C2CD4B: variants seen among roughly 807,000 people sequenced by gnomAD.
C2CD4B encodes C2 calcium-dependent domain-containing protein 4B.
For synonymous variants in C2CD4B, 347 were observed against 284.9 expected, an observed-to-expected ratio of 1.22 and a Z score of -2.20; for missense variants, 644 against 577.7, an observed-to-expected ratio of 1.11 and a Z score of -1.18.
chr15:62,164,294 C>A lies in C2CD4B; in HGVS notation c.691G>T (p.Ala231Ser). 1 of 1,418,196 alleles carries A rather than the reference C, an allele frequency of 7.1e-7. No homozygotes were observed. Among genetic ancestry groups the A allele is most frequent in the Non-Finnish European group, 9.1e-7 (1 of 1,096,286 alleles). The allele number at this position is 1,418,196 out of a possible 1,614,324, so 87.9% of individuals were successfully genotyped here. Residue 231 changes from alanine to serine, a missense_variant, in exon 2 of 2, where the codon GCC (alanine) becomes TCC (serine). Physicochemically the swap from Ala to Ser is moderately conservative, Grantham distance 99 (BLOSUM62 1). Transcript: ENST00000380392. ...APSSSPLSSR[A>S]PLPERLEAKG... ...GCCTCCAGGCGCTCAGGAAGCGGGG[C>A]CCTGGATGACAGCGGGCTCGAGGAG...
chr15:62,164,570 G>T lies in C2CD4B; in HGVS notation c.415C>A (p.Pro139Thr). The T allele has an allele frequency of 1.7e-6, 2 of 1,186,192 alleles. No homozygotes were observed. Among genetic ancestry groups the T allele is most frequent in the Admixed American group, 4.6e-5 (1 of 21,670 alleles). The allele number at this position is 1,186,192 out of a possible 1,614,324, so 73.5% of individuals were successfully genotyped here. A position where few individuals can be genotyped will look rare whatever the true frequency, so the allele number is the denominator to read the frequency against. ...CGCGGGCCGCACAGGGTCCCCAGGG[G>T]GGCGTCCGGGCCTCCGCCGCCGCCG... ...SCGGGGGPDA[P>T]LGTLCGPRGP... Residue 139 changes from proline to threonine, a missense_variant, in exon 2 of 2, where the codon CCC becomes ACC. Transcript: ENST00000380392.
rs541119140 is a variant in C2CD4B, at chr15:62,165,039, A to C, written c.-40-15T>G. On this transcript the variant is annotated splice_polypyrimidine_tract_variant and intron_variant, in intron 1 of 1. Transcript: ENST00000380392. ...AAGAGGTGCGCCTGCGGGGGAGAGA[A>C]GCTGCTGAGTTTGGGCGCCTGGAGC... The C allele has an allele frequency of 4.9e-4, 715 of 1,456,728 alleles. No homozygotes were observed. The Middle Eastern group carries it at 6.5e-3, about 13-fold the overall frequency. The allele number at this position is 1,456,728 out of a possible 1,614,324, so 90.2% of individuals were successfully genotyped here.
chr15:62,164,931 C>A lies in C2CD4B; in HGVS notation c.54G>T (p.Lys18Asn). 1.3e-6 allele frequency: 2 copies of A among 1,536,294 alleles called. No homozygotes were observed. Among genetic ancestry groups the A allele is most frequent in the Non-Finnish European group, 8.7e-7 (1 of 1,144,330 alleles). The change falls in exon 2 of 2, where the codon AAG (lysine) becomes AAT (asparagine). Residue 18 changes from lysine (K) to asparagine (N), a missense_variant. Physicochemically the swap from Lys to Asn is moderately conservative, Grantham distance 94. Coordinates refer to ENST00000380392, the MANE Select transcript of C2CD4B (RefSeq NM_001007595.3). ...GCGTGAGCACTTTGGCGAAGGCGGGCTTCGGCGCGGAGCTGCCTGCGGCCG... is the reference window on the plus strand; with the variant it reads ...GCGTGAGCACTTTGGCGAAGGCGGGATTCGGCGCGGAGCTGCCTGCGGCCG... ...CSSAAGSSAP[K>N]PAFAKVLTPN...
chr15:62,163,998 C>T lies in C2CD4B; in HGVS notation c.987G>A (p.Val329=), dbSNP rs1487641272. 1.2e-6 allele frequency: 2 copies of T among 1,600,784 alleles called. No individual in the cohort carries two copies. The highest frequency in any genetic ancestry group is 8.5e-7 in the Non-Finnish European group (1 of 1,176,044). Residue 329 remains valine, a synonymous_variant, in exon 2 of 2, where the codon GTG becomes GTA. Coordinates refer to ENST00000380392, the MANE Select transcript of C2CD4B (RefSeq NM_001007595.3). ...FCFDGLSEDE[V]RRLAVRVKAR... ...CCTTGACGCGAACGGCCAGGCGGCG[C>T]ACCTCGTCTTCCGAGAGGCCGTCGA...
rs1201960259 is a variant in C2CD4B at position 62,163,603 on chromosome 15, A to G, written c.*287T>C. The G allele has an allele frequency of 1.1e-5, 4 of 372,654 alleles. No homozygotes were observed. The highest frequency in any genetic ancestry group is 1.4e-5 in the Non-Finnish European group (3 of 211,854). 23.1% of individuals were successfully genotyped at this position (372,654 alleles called of 1,614,324 possible). On this transcript the variant is annotated 3_prime_UTR_variant, in exon 2 of 2. Transcript: ENST00000380392. ...GATAGAAAACCGGAAGGAATTAAAA[A>G]CAATGCAGATGGGTGTACTTCCTTT...
rs2049590996 is a variant in C2CD4B at position 62,164,541 on chromosome 15, A to G, written c.444T>C (p.Gly148=). Residue 148 remains glycine, a synonymous_variant, in exon 2 of 2, where the codon GGT becomes GGC. Transcript: ENST00000380392. The stretch of plus-strand genomic sequence containing the variant: ...GGGCCGCGGGGGTGGCCGGGCCCGG[A>G]CCTCGCGGGCCGCACAGGGTCCCCA... ...APLGTLCGPR[G]PGPATPAAPG... 2.6e-6 allele frequency: 3 copies of G among 1,146,082 alleles called. No individual in the cohort carries two copies. The East Asian group carries it at 1.3e-4, about 51-fold the overall frequency. 71.0% of individuals were successfully genotyped at this position (1,146,082 alleles called of 1,614,324 possible).
chr15:62,164,555 A>T lies in C2CD4B; in HGVS notation c.430T>A (p.Cys144Ser). Residue 144 changes from cysteine to serine, a missense_variant, in exon 2 of 2, where the codon TGC (cysteine) becomes AGC (serine). Cys to Ser is a moderately radical substitution (Grantham distance 112). Coordinates refer to ENST00000380392, the MANE Select transcript of C2CD4B (RefSeq NM_001007595.3). ...GCCGGGCCCGGACCTCGCGGGCCGC[A>T]CAGGGTCCCCAGGGGGGCGTCCGGG... ...GGPDAPLGTL[C>S]GPRGPGPATP... The T allele has an allele frequency of 8.6e-7, 1 of 1,160,474 alleles. No individual in the cohort carries two copies. Among genetic ancestry groups the T allele is most frequent in the Non-Finnish European group, 1.1e-6 (1 of 944,116 alleles). 71.9% of individuals were successfully genotyped at this position (1,160,474 alleles called of 1,614,324 possible).
In C2CD4B at chr15:62,164,788, G is replaced by A. The variant is rs2049597137; in HGVS notation, c.197C>T (p.Pro66Leu). Residue 66 changes from proline (P) to leucine (L), a missense_variant, in exon 2 of 2, where the codon CCC becomes CTC. Physicochemically the swap from Pro to Leu is moderately conservative, Grantham distance 98. Coordinates refer to ENST00000380392, the MANE Select transcript of C2CD4B (RefSeq NM_001007595.3). Reference protein sequence around the residue: ...RRCAAESDLWPRAADEDAGRT... With the variant: ...RRCAAESDLWLRAADEDAGRT... ...GCCGGCGTCCTCGTCTGCCGCGCGG[G>A]GCCACAGGTCGCTTTCAGCGGCGCA... 3 of 1,476,692 alleles carry A rather than the reference G, an allele frequency of 2.0e-6. No homozygotes were observed. The highest frequency in any genetic ancestry group is 8.9e-7 in the Non-Finnish European group (1 of 1,124,704). The allele number at this position is 1,476,692 out of a possible 1,614,324, so 91.5% of individuals were successfully genotyped here.
Position 62,163,986 on chromosome 15 carries a change from G to T in C2CD4B, c.999C>A (p.Ala333=). 1.3e-6 allele frequency: 2 copies of T among 1,599,724 alleles called. No homozygotes were observed. Among genetic ancestry groups the T allele is most frequent in the Non-Finnish European group, 8.5e-7 (1 of 1,175,616 alleles). ...CCTCATCCCGGGCCTTGACGCGAAC[G>T]GCCAGGCGGCGCACCTCGTCTTCCG... is the stretch of plus-strand genomic sequence containing the variant. The part of the protein sequence containing the change: ...GLSEDEVRRL[A]VRVKARDEGR... Residue 333 remains alanine (A), a synonymous_variant, in exon 2 of 2, where the codon GCC becomes GCA. Coordinates refer to ENST00000380392, the MANE Select transcript of C2CD4B (RefSeq NM_001007595.3).
rs1452246647 is a variant in C2CD4B at position 62,164,262 on chromosome 15, G to A, written c.723C>T (p.Gly241=). 3.5e-6 allele frequency: 5 copies of A among 1,437,384 alleles called. No homozygotes were observed. Among genetic ancestry groups the A allele is most frequent in the South Asian group, 1.4e-5 (1 of 71,300 alleles). The allele number at this position is 1,437,384 out of a possible 1,614,324, so 89.0% of individuals were successfully genotyped here. A position where few individuals can be genotyped will look rare whatever the true frequency, so the allele number is the denominator to read the frequency against. The change falls in exon 2 of 2, where the codon GGC becomes GGT. Residue 241 remains glycine (G), a synonymous_variant. Coordinates refer to ENST00000380392, the MANE Select transcript of C2CD4B (RefSeq NM_001007595.3). ...APLPERLEAK[G]TVALGRAGDA... ...CGCCGGCGCGGCCCAGAGCCACGGT[G>A]CCCTTGGCCTCCAGGCGCTCAGGAA...
At chr15:62,165,117 C>A in intron 1 of C2CD4B, 78 bp downstream of exon 1, 1 of 1,131,622 alleles carries the variant, frequency 8.8e-7, no homozygotes, top group Non-Finnish European at 1.2e-6. Context: ...TGTAAACGTC[C>A]CCCACGTGTT....
In C2CD4B at chr15:62,163,653, T is replaced by C. The variant is rs2049574680; in HGVS notation, c.*237A>G. 6.1e-6 allele frequency: 3 copies of C among 494,790 alleles called. No individual in the cohort carries two copies. Among genetic ancestry groups the C allele is most frequent in the Non-Finnish European group, 9.5e-6 (3 of 316,184 alleles). 30.6% of individuals were successfully genotyped at this position (494,790 alleles called of 1,614,324 possible). A position where few individuals can be genotyped will look rare whatever the true frequency, so the allele number is the denominator to read the frequency against. ...TCTCTCCCAGTCCCAAGCCAACCCA[T>C]TTTTCCTTGGAATGCAAAAATGGTC... On this transcript the variant is annotated 3_prime_UTR_variant, in exon 2 of 2. Transcript: ENST00000380392.
At position 62,164,189 on chromosome 15, in the gene C2CD4B, G is replaced by A. The variant is rs535597810; in HGVS notation, c.796C>T (p.Arg266Cys). 10 of 1,476,514 alleles carry A rather than the reference G, an allele frequency of 6.8e-6. No individual in the cohort carries two copies. Among genetic ancestry groups the A allele is most frequent in the Non-Finnish European group, 8.9e-6 (10 of 1,122,606 alleles). The allele number at this position is 1,476,514 out of a possible 1,614,324, so 91.5% of individuals were successfully genotyped here. A position where few individuals can be genotyped will look rare whatever the true frequency, so the allele number is the denominator to read the frequency against. ...CTCTCCGCGCGGAGCAGCCGGAGGCGGAGACGCCGGGTTCCCGGACAGTAC... is the reference window on the plus strand; with the variant it reads ...CTCTCCGCGCGGAGCAGCCGGAGGCAGAGACGCCGGGTTCCCGGACAGTAC... Reference protein sequence around the residue: ...AEYCPGTRRLRLRLLRAESLF... With the variant: ...AEYCPGTRRLCLRLLRAESLF... The change falls in exon 2 of 2, where the codon CGC becomes TGC. Residue 266 changes from arginine (R) to cysteine (C), a missense_variant. Physicochemically the swap from Arg to Cys is radical, Grantham distance 180. Transcript: ENST00000380392.
In C2CD4B at chr15:62,163,732, T is replaced by A. The variant is rs947386994; in HGVS notation, c.*158A>T. 2 of 1,095,400 alleles carry A rather than the reference T, an allele frequency of 1.8e-6. No individual in the cohort carries two copies. Among genetic ancestry groups the A allele is most frequent in the Non-Finnish European group, 2.4e-6 (2 of 832,040 alleles). The allele number at this position is 1,095,400 out of a possible 1,614,324, so 67.9% of individuals were successfully genotyped here. Reference sequence around the variant, plus strand: ...AGAACAGGGAGTCATTATCTTTTTCTTCTTTACCAATAGACGATGACAAAT... The same window carrying A: ...AGAACAGGGAGTCATTATCTTTTTCATCTTTACCAATAGACGATGACAAAT... On this transcript the variant is annotated 3_prime_UTR_variant, in exon 2 of 2. Coordinates refer to ENST00000380392, the MANE Select transcript of C2CD4B (RefSeq NM_001007595.3).
chr15:62,164,144 C>G lies in C2CD4B; in HGVS notation c.841G>C (p.Gly281Arg). The G allele has an allele frequency of 6.9e-7, 1 of 1,455,856 alleles. No individual in the cohort carries two copies. The allele number at this position is 1,455,856 out of a possible 1,614,324, so 90.2% of individuals were successfully genotyped here. A position where few individuals can be genotyped will look rare whatever the true frequency, so the allele number is the denominator to read the frequency against. Residue 281 changes from glycine (G) to arginine (R), a missense_variant, in exon 2 of 2, where the codon GGG (glycine) becomes CGG (arginine). Transcript: ENST00000380392. ...RAESLFGGAP[G>R]PRAVRCRLSL... ...AGGCGGCAGCGGACGGCGCGGGGCC[C>G]GGGGGCGCCTCCGAACAGGCTCTCC... is the stretch of plus-strand genomic sequence containing the variant.
chr15:62,164,872 C>A lies in C2CD4B; in HGVS notation c.113G>T (p.Arg38Leu), dbSNP rs776480122. Residue 38 changes from arginine to leucine, a missense_variant, in exon 2 of 2, where the codon CGG (arginine) becomes CTG (leucine). By Grantham distance (102) the Arg-to-Leu change is moderately radical (BLOSUM62 -2). Coordinates refer to ENST00000380392, the MANE Select transcript of C2CD4B (RefSeq NM_001007595.3). Reference sequence around the variant, plus strand: ...CTCGAGCGTGCAAGGGGCCGGCAGCCGCGGCGGGATGCAGAATTCGGGGAT... The same window carrying A: ...CTCGAGCGTGCAAGGGGCCGGCAGCAGCGGCGGGATGCAGAATTCGGGGAT... ...NRIPEFCIPP[R>L]LPAPCTLESP... is the part of the protein sequence containing the mutation. The A allele has an allele frequency of 1.5e-5, 22 of 1,510,172 alleles. No individual in the cohort carries two copies. The Admixed American group carries it at 3.8e-4, about 26-fold the overall frequency. The allele number at this position is 1,510,172 out of a possible 1,614,324, so 93.5% of individuals were successfully genotyped here.
rs2049590274 is a variant in C2CD4B at position 62,164,512 on chromosome 15, C to T, written c.473G>A (p.Gly158Asp). ...CGCGTCCTGGGGCAGGCGGGGACCG[C>T]CGGGGGCCGCGGGGGTGGCCGGGCC... ...GPGPATPAAP[G>D]GPRLPQDALA... is the part of the protein sequence containing the mutation. The change falls in exon 2 of 2, where the codon GGC (glycine) becomes GAC (aspartate). Residue 158 changes from glycine to aspartate, a missense_variant. By Grantham distance (94) the Gly-to-Asp change is moderately conservative (BLOSUM62 -1). Transcript: ENST00000380392. 8.5e-7 allele frequency: 1 copy of T among 1,181,038 alleles called. No individual in the cohort carries two copies. 73.2% of individuals were successfully genotyped at this position (1,181,038 alleles called of 1,614,324 possible). A position where few individuals can be genotyped will look rare whatever the true frequency, so the allele number is the denominator to read the frequency against.
chr15:62,164,421 C>A lies in C2CD4B; in HGVS notation c.564G>T (p.Leu188=). ...RVPDGLLSRA[L]RAGRSRRLAR... ...CCAGGCGGCGACTCCTTCCAGCCCG[C>A]AGCGCGCGACTCAGCAGCCCGTCGG... Residue 188 remains leucine (L), a synonymous_variant, in exon 2 of 2, where the codon CTG becomes CTT. Coordinates refer to ENST00000380392, the MANE Select transcript of C2CD4B (RefSeq NM_001007595.3). 2.9e-6 allele frequency: 4 copies of A among 1,398,194 alleles called. No homozygotes were observed. Among genetic ancestry groups the A allele is most frequent in the Non-Finnish European group, 3.7e-6 (4 of 1,080,950 alleles). 86.6% of individuals were successfully genotyped at this position (1,398,194 alleles called of 1,614,324 possible).
Position 62,164,416 on chromosome 15 carries a change from G to A in C2CD4B, c.569C>T (p.Ala190Val), listed in dbSNP as rs1333489354. Residue 190 changes from alanine (A) to valine (V), a missense_variant, in exon 2 of 2, where the codon GCT becomes GTT. Coordinates refer to ENST00000380392, the MANE Select transcript of C2CD4B (RefSeq NM_001007595.3). ...PDGLLSRALR[A>V]GRSRRLARVR... is the part of the protein sequence containing the mutation. ...GCGGGCCAGGCGGCGACTCCTTCCAGCCCGCAGCGCGCGACTCAGCAGCCC... is the reference window on the plus strand; with the variant it reads ...GCGGGCCAGGCGGCGACTCCTTCCAACCCGCAGCGCGCGACTCAGCAGCCC... 12 of 1,405,594 alleles carry A rather than the reference G, an allele frequency of 8.5e-6. No individual in the cohort carries two copies. The highest frequency in any genetic ancestry group is 1.0e-5 in the Non-Finnish European group (11 of 1,084,796). The allele number at this position is 1,405,594 out of a possible 1,614,324, so 87.1% of individuals were successfully genotyped here.
Sources: allele counts gnomAD v4.1 joint callset, GRCh38; gene constraint gnomAD v4.1.1; transcripts MANE v1.5; gene names NCBI Gene and HGNC (gene_info 2026-07-23, HGNC 2026-07-21).